SEMA3A: variants seen among roughly 807,000 people sequenced by gnomAD.
SEMA3A encodes semaphorin-3A.
Under a neutral mutation model 97.9 loss-of-function variants are expected in SEMA3A, and 29 were observed. The ratio of observed to expected loss-of-function variants is 0.30; its 90% confidence interval spans 0.22 to 0.40. The LOEUF (loss-of-function observed/expected upper bound fraction) is 0.40, where lower values mean the gene tolerates loss of function less well. Among genes scored for constraint, SEMA3A ranks in the 10% least tolerant of loss-of-function variants. SEMA3A has a pLI of 1.00. For synonymous variants in SEMA3A, 321 were observed against 323.7 expected, an observed-to-expected ratio of 0.99 and a Z score of 0.09; for missense variants, 763 against 951.3, an observed-to-expected ratio of 0.80 and a Z score of 2.60.
chr7:84,177,470 C>A (rs1001697368), intron 1 of SEMA3A, among the ~76,000 whole-genome samples: 1 of 151,980 alleles, frequency 6.6e-6, no homozygotes, highest in Admixed American at 6.6e-5. Flanking sequence ...TATTCTTGAG[C>A]ACAACTTCAA....
At chr7:84,364,763 T>C (rs1374097281) in intron 2 of SEMA3A, among the ~76,000 whole-genome samples, 2 of 150,998 alleles carry the variant, frequency 1.3e-5, no homozygotes, top group Non-Finnish European at 3.0e-5. Flanking sequence ...TAAAAGAAGT[T>C]AGTAAATTCA....
At chr7:84,453,438 G>A (rs1464879160) in intron 1 of SEMA3A, among the ~76,000 whole-genome samples, 2 of 151,782 alleles carry the variant, frequency 1.3e-5, no homozygotes, top group East Asian at 1.9e-4. Flanking sequence ...GGGTTTCACC[G>A]TGTTAGCCAG....
intron 3 of SEMA3A, among the ~76,000 whole-genome samples, chr7:84,208,554 A>G (rs2116313970): frequency 6.6e-6 from 1 of 152,338 alleles, no homozygotes; most frequent in African/African-American, 2.4e-5. Context: ...ATATACAGCA[A>G]CCATCTACAT....
intron 5 of SEMA3A, among the ~76,000 whole-genome samples, chr7:84,055,076 T>G (rs6961314): frequency 0.47 from 70,400 of 149,370 alleles, 17,274 homozygotes; most frequent in Non-Finnish European, 0.58. Flanking sequence ...GATCTCCAGC[T>G]GCGTGCTGGG....
At chr7:84,131,903 C>A (rs977156975) in intron 2 of SEMA3A, among the ~76,000 whole-genome samples, 2 of 152,270 alleles carry the variant, frequency 1.3e-5, no homozygotes, top group East Asian at 3.9e-4. Flanking sequence ...GATTGTCCTG[C>A]CGCAGCCTTT....
intron 3 of SEMA3A, among the ~76,000 whole-genome samples, chr7:84,300,032 C>CAAAAAAAAAAAAAA (rs58929555): frequency 1.9e-5 from 1 of 53,304 alleles, no homozygotes; most frequent in Non-Finnish European, 3.9e-5. Flanking sequence ...GACTCAGTCA[C>CAAAAAAAAAAAAAA]AAAAAAAAAA....
At chr7:84,296,974 T>G (rs1300533532) in intron 3 of SEMA3A, among the ~76,000 whole-genome samples, 1 of 152,058 alleles carries the variant, frequency 6.6e-6, no homozygotes, top group African/African-American at 2.4e-5. Context: ...TTTTCTGAGA[T>G]TTATTTTTAT....
intron 3 of SEMA3A, among the ~76,000 whole-genome samples, chr7:84,285,721 T>G (rs1800565045): frequency 6.6e-6 from 1 of 151,640 alleles, no homozygotes; most frequent in Non-Finnish European, 1.5e-5. Context: ...CCTAAGTGGG[T>G]GGATCAGTTG....
chr7:83,963,463 C>T, intron 15 of SEMA3A, 116 bp from the exon 16 acceptor site: 3 of 1,112,196 alleles, frequency 2.7e-6, no homozygotes, highest in Non-Finnish European at 3.9e-6. Flanking sequence ...AGTTGTTTCA[C>T]ATTGATTGAG....
intron 1 of SEMA3A, among the ~76,000 whole-genome samples, chr7:84,411,764 T>A (rs1634611): frequency 0.46 from 69,604 of 151,828 alleles, 17,619 homozygotes; most frequent in East Asian, 0.79. Flanking sequence ...CAGCTGGGTT[T>A]AAACAACAGT....
intron 1 of SEMA3A, among the ~76,000 whole-genome samples, chr7:84,159,523 C>T (rs934461714): frequency 6.6e-6 from 1 of 152,118 alleles, no homozygotes; most frequent in Non-Finnish European, 1.5e-5. Flanking sequence ...AGATGCAAAA[C>T]TCCTACATAA....
At chr7:84,201,922 T>A (rs1798368435) in intron 3 of SEMA3A, among the ~76,000 whole-genome samples, 1 of 152,158 alleles carries the variant, frequency 6.6e-6, no homozygotes, top group South Asian at 2.1e-4. Context: ...TCCCCAAACA[T>A]CTAATTAAAG....
At chr7:84,012,650 C>A (rs1216516162) in intron 7 of SEMA3A, among the ~76,000 whole-genome samples, 2 of 152,140 alleles carry the variant, frequency 1.3e-5, no homozygotes, top group Non-Finnish European at 2.9e-5. Flanking sequence ...ATTTTACAAA[C>A]AACACGTTGA....
intron 6 of SEMA3A, among the ~76,000 whole-genome samples, chr7:84,043,396 T>C (rs78452227): frequency 0.014 from 2,065 of 152,176 alleles, 46 homozygotes; most frequent in African/African-American, 0.047. Context: ...TGCTTTTCCT[T>C]ACCAGGAACA....
chr7:83,956,513 T>G lies in SEMA3A; in HGVS notation c.*4858A>C, dbSNP rs1463670138. The stretch of plus-strand genomic sequence containing the variant: ...CACTGTCTAGTGCTATGACTTTAGC[T>G]GAGTAAAGATAAATGAGGTGAACAT... On this transcript the variant is annotated 3_prime_UTR_variant, in exon 17 of 17. Coordinates refer to ENST00000265362, the MANE Select transcript of SEMA3A (RefSeq NM_006080.3). The G allele has an allele frequency of 6.6e-6, 1 of 152,120 alleles. No individual in the cohort carries two copies. Among genetic ancestry groups the G allele is most frequent in the Admixed American group, 6.6e-5 (1 of 15,244 alleles). The allele number at this position is 152,120 out of a possible 1,614,324, so 9.4% of individuals were successfully genotyped here.
chr7:84,052,213 A>C (rs1270523231), intron 5 of SEMA3A, among the ~76,000 whole-genome samples: 2 of 152,016 alleles, frequency 1.3e-5, no homozygotes, highest in South Asian at 2.1e-4. Flanking sequence ...TATCAGGATG[A>C]TGCTGGCCTC....
At chr7:83,972,501 T>C (rs527320099) in intron 15 of SEMA3A, among the ~76,000 whole-genome samples, 24 of 152,020 alleles carry the variant, frequency 1.6e-4, no homozygotes, top group Non-Finnish European at 3.2e-4. Context: ...AAAATTACCA[T>C]AGGAATGTTT....
intron 6 of SEMA3A, among the ~76,000 whole-genome samples, chr7:84,017,275 G>C (rs1791141044): frequency 6.6e-6 from 1 of 152,126 alleles, no homozygotes; most frequent in Non-Finnish European, 1.5e-5. Context: ...TACAAATGTG[G>C]ACTCTAGTGG....
At chr7:84,225,466 G>A (rs912410313) in intron 3 of SEMA3A, among the ~76,000 whole-genome samples, 2 of 152,080 alleles carry the variant, frequency 1.3e-5, no homozygotes, top group Non-Finnish European at 2.9e-5. Context: ...AAGTAACGAA[G>A]TAGGTCTTGG....
Sources: allele counts gnomAD v4.1 joint callset (sites outside exome capture counted in the v4.1 genomes callset), GRCh38; gene constraint gnomAD v4.1.1; transcripts MANE v1.5; gene names NCBI Gene and HGNC (gene_info 2026-07-23, HGNC 2026-07-21).